SMYD3: variants seen among roughly 807,000 people sequenced by gnomAD.
The protein encoded by SMYD3 is SET and MYND domain containing 3, also known as histone-lysine N-methyltransferase SMYD3.
In SMYD3, 36 loss-of-function variants were observed where a neutral mutation model predicts 57.7. That is an observed-to-expected ratio of 0.62 (90% CI 0.48 to 0.82). The LOEUF is 0.82. Among genes scored for constraint, SMYD3 ranks in the 40% least tolerant of loss-of-function variants. The pLI, the probability that SMYD3 is intolerant of heterozygous loss-of-function variation, is 0.00. For synonymous variants in SMYD3, 211 were observed against 195.0 expected (o/e 1.08, Z -0.68); for missense variants, 515 against 538.8 (o/e 0.96, Z 0.44).
intron 1 of SMYD3, among the ~76,000 whole-genome samples, chr1:246,395,587 C>CGGTCAGACAGGGAAGAGGAACCCACCAT (rs1558442683): frequency 7.5e-6 from 1 of 132,522 alleles, no homozygotes; most frequent in Non-Finnish European, 1.7e-5. Context: ...TGGACCCCCA[C>CGGTCAGACAGGGAAGAGGAACCCACCAT]GGTCAGACAG....
intron 5 of SMYD3, among the ~76,000 whole-genome samples, chr1:246,089,633 C>G (rs1250105989): frequency 9.9e-5 from 15 of 152,086 alleles, no homozygotes. Context: ...TTCACTTGAT[C>G]CAGATTTTCA....
intron 1 of SMYD3, among the ~76,000 whole-genome samples, chr1:246,448,967 C>A (rs1202864476): frequency 1.3e-5 from 2 of 152,154 alleles, no homozygotes. Context: ...GTGGCTCACA[C>A]TTGTAATCCC....
intron 10 of SMYD3, among the ~76,000 whole-genome samples, chr1:245,839,239 A>G (rs190974279): frequency 9.5e-4 from 145 of 152,090 alleles, no homozygotes; most frequent in African/African-American, 3.2e-3. Flanking sequence ...GTGCTATCTC[A>G]GCTCACTGCA....
intron 5 of SMYD3, among the ~76,000 whole-genome samples, chr1:246,100,271 T>C (rs2060986011): frequency 6.6e-6 from 1 of 152,212 alleles, no homozygotes; most frequent in Non-Finnish European, 1.5e-5. Context: ...CTAAATAGAC[T>C]GCAGAAATGA....
chr1:246,125,011 G>A (rs915584568), intron 5 of SMYD3, among the ~76,000 whole-genome samples: 5 of 150,688 alleles, frequency 3.3e-5, no homozygotes, highest in Admixed American at 6.6e-5. Context: ...GGCGGAGCTT[G>A]CAGTGAGCCG....
At chr1:246,369,099 T>C (rs995256182) in intron 1 of SMYD3, among the ~76,000 whole-genome samples, 3 of 152,130 alleles carry the variant, frequency 2.0e-5, no homozygotes, top group Admixed American at 6.5e-5. Flanking sequence ...ATAATAATAA[T>C]AACATTACAT....
chr1:245,912,402 G>T (rs1024212843), intron 8 of SMYD3, among the ~76,000 whole-genome samples: 1 of 152,142 alleles, frequency 6.6e-6, no homozygotes, highest in African/African-American at 2.4e-5. Context: ...TTAATTGGAA[G>T]AATTAATATT....
chr1:245,838,808 C>A (rs140720979), intron 10 of SMYD3, among the ~76,000 whole-genome samples: 109 of 152,290 alleles, frequency 7.2e-4, no homozygotes, highest in African/African-American at 2.6e-3. Context: ...CTCTATAAAT[C>A]TGTAATACTT....
intron 5 of SMYD3, among the ~76,000 whole-genome samples, chr1:246,100,535 G>A (rs888104038): frequency 6.6e-6 from 1 of 152,126 alleles, no homozygotes; most frequent in South Asian, 2.1e-4. Context: ...CTCCCTGACT[G>A]CTTGCTGACG....
In SMYD3 at chr1:245,918,581, C is replaced by T. The variant is rs1195269218; in HGVS notation, c.703-2941G>A. 3.9e-5 allele frequency among the ~76,000 whole-genome samples: 6 copies of T among 152,310 alleles called. No individual in the cohort carries two copies. The East Asian group carries it at 9.6e-4, about 24-fold the overall frequency. ...TCTGAGGCACAAAGGGTCACCTATA[C>T]CAGGCAAGTTCCTCTTGTTTCTAAT... On this transcript the variant is annotated intron_variant, in intron 7 of 11. Transcript: ENST00000490107.
At chr1:246,469,368 A>C (rs1302816101) in intron 1 of SMYD3, among the ~76,000 whole-genome samples, 2 of 152,236 alleles carry the variant, frequency 1.3e-5, no homozygotes, top group African/African-American at 4.8e-5. Context: ...TGTCAACAAA[A>C]GCTAAAGGGA....
intron 5 of SMYD3, among the ~76,000 whole-genome samples, chr1:246,299,713 T>A (rs749214055): frequency 2.0e-5 from 3 of 152,152 alleles, no homozygotes; most frequent in Non-Finnish European, 4.4e-5. Context: ...GAGGTCATTA[T>A]CCTTAGTAAA....
At chr1:246,102,261 T>C (rs1462642534) in intron 5 of SMYD3, among the ~76,000 whole-genome samples, 2 of 152,172 alleles carry the variant, frequency 1.3e-5, no homozygotes, top group Non-Finnish European at 2.9e-5. Flanking sequence ...TTTCTATTTA[T>C]TAACTCTTTA....
At chr1:245,804,648 G>A (rs1379555730) in intron 10 of SMYD3, among the ~76,000 whole-genome samples, 1 of 152,202 alleles carries the variant, frequency 6.6e-6, no homozygotes, top group East Asian at 1.9e-4. Flanking sequence ...TGAGGGCTCT[G>A]CTCTTATAAA....
At chr1:246,035,407 G>T (rs559605587) in intron 5 of SMYD3, 3 of 152,202 alleles carry the variant, frequency 2.0e-5, no homozygotes, top group East Asian at 3.9e-4. Context: ...AAAGGAAGGA[G>T]GGTCACAGCC....
intron 1 of SMYD3, among the ~76,000 whole-genome samples, chr1:246,435,140 C>A (rs1159213241): frequency 6.6e-6 from 1 of 152,050 alleles, no homozygotes; most frequent in Non-Finnish European, 1.5e-5. Flanking sequence ...AAGACGGCAA[C>A]AATAGACACT....
At chr1:245,792,894 T>C (rs1253441115) in intron 10 of SMYD3, among the ~76,000 whole-genome samples, 1 of 152,152 alleles carries the variant, frequency 6.6e-6, no homozygotes, top group African/African-American at 2.4e-5. Context: ...TCCAGTACCA[T>C]AATGATGACA....
At chr1:246,403,148 CCTGA>C (rs2066800139) in intron 1 of SMYD3, among the ~76,000 whole-genome samples, 1 of 152,050 alleles carries the variant, frequency 6.6e-6, no homozygotes, top group South Asian at 2.1e-4. Context: ...TTAGTTCCTC[CCTGA>C]CTAATGGAAA....
At chr1:245,993,890 G>A (rs1422054622) in intron 5 of SMYD3, among the ~76,000 whole-genome samples, 1 of 152,126 alleles carries the variant, frequency 6.6e-6, no homozygotes, top group African/African-American at 2.4e-5. Flanking sequence ...GATTTAAATG[G>A]TCATTTTTAT....
Sources: allele counts gnomAD v4.1 joint callset (sites outside exome capture counted in the v4.1 genomes callset), GRCh38; gene constraint gnomAD v4.1.1; transcripts MANE v1.5; gene names NCBI Gene and HGNC (gene_info 2026-07-23, HGNC 2026-07-21).